The following NEK7 variants were observed in gnomAD, a reference collection of about 807,000 sequenced individuals.
NEK7 encodes the protein NIMA related kinase 7.
NEK7 carries 18 observed loss-of-function variants against 44.6 expected under a neutral mutation model. The ratio of observed to expected loss-of-function variants is 0.40; its 90% CI spans 0.28 to 0.60. The LOEUF (loss-of-function observed/expected upper bound fraction) is 0.60. NEK7 is among the 20% of genes least tolerant of loss of function. The pLI, the probability that NEK7 is intolerant of heterozygous loss-of-function variation, is 0.38. For missense variants in NEK7, 256 were observed against 366.5 expected (o/e 0.70, Z 2.46); for synonymous variants, 130 against 121.1 (o/e 1.07, Z -0.48).
chr1:198,312,725 C>G (rs896439089), intron 9 of NEK7, among the ~76,000 whole-genome samples: 22 of 151,318 alleles, frequency 1.5e-4, no homozygotes, highest in Non-Finnish European at 2.4e-4. Context: ...GCAGGTTGTT[C>G]AGTTTCCATG....
At chr1:198,281,572 T>C (rs1654199607) in intron 7 of NEK7, among the ~76,000 whole-genome samples, 1 of 152,086 alleles carries the variant, frequency 6.6e-6, no homozygotes, top group African/African-American at 2.4e-5. Context: ...CTTTTAACTT[T>C]GGAAAGGAGG....
intron 3 of NEK7, among the ~76,000 whole-genome samples, chr1:198,255,855 T>C (rs1653244194): frequency 6.6e-6 from 1 of 152,188 alleles, no homozygotes; most frequent in Non-Finnish European, 1.5e-5. Flanking sequence ...AGGAGAAATA[T>C]ATTTGCATTT....
At chr1:198,182,400 A>G (rs1311468203) in intron 1 of NEK7, among the ~76,000 whole-genome samples, 5 of 151,818 alleles carry the variant, frequency 3.3e-5, no homozygotes, top group African/African-American at 1.2e-4. Flanking sequence ...AGAGAGGGAG[A>G]ATGGATGTGA....
chr1:198,234,345 A>T (rs146216339), intron 2 of NEK7, among the ~76,000 whole-genome samples: 3,763 of 152,106 alleles, frequency 0.025, 71 homozygotes, highest in African/African-American at 0.047. Context: ...TTATGTTATG[A>T]TCATAAATTA....
chr1:198,315,147 T>C (rs1241273912), intron 9 of NEK7, among the ~76,000 whole-genome samples: 2 of 152,180 alleles, frequency 1.3e-5, no homozygotes, highest in African/African-American at 4.8e-5. Flanking sequence ...TGCGCCGTTT[T>C]TTTAAGCCCG....
intron 2 of NEK7, among the ~76,000 whole-genome samples, chr1:198,252,578 T>TATATACAC (rs1653087270): frequency 1.8e-5 from 2 of 111,460 alleles, no homozygotes; most frequent in African/African-American, 6.6e-5. Flanking sequence ...AAAAAGTACA[T>TATATACAC]ATATACACAT....
chr1:198,314,687 C>A (rs112883915), intron 9 of NEK7, among the ~76,000 whole-genome samples: 9 of 152,246 alleles, frequency 5.9e-5, no homozygotes, highest in Non-Finnish European at 1.0e-4. Flanking sequence ...TTTGAGTACC[C>A]GGCCGTGTGA....
At chr1:198,261,425 A>G (rs1653466333) in intron 3 of NEK7, among the ~76,000 whole-genome samples, 1 of 151,914 alleles carries the variant, frequency 6.6e-6, no homozygotes, top group African/African-American at 2.4e-5. Context: ...TAAGATTGCA[A>G]TGAAGTTTAA....
At chr1:198,313,481 T>G (rs1655254408) in intron 9 of NEK7, among the ~76,000 whole-genome samples, 1 of 138,680 alleles carries the variant, frequency 7.2e-6, no homozygotes, top group South Asian at 2.7e-4. Flanking sequence ...ATCCTGTCAT[T>G]ATGATGTTAG....
chr1:198,181,099 G>A (rs1307580616), intron 1 of NEK7, among the ~76,000 whole-genome samples: 1 of 151,882 alleles, frequency 6.6e-6, no homozygotes, highest in Non-Finnish European at 1.5e-5. Context: ...TTATAAATTG[G>A]ACTCTTAGAC....
intron 1 of NEK7, among the ~76,000 whole-genome samples, chr1:198,180,521 G>A: frequency 6.6e-6 from 1 of 151,992 alleles, no homozygotes; most frequent in South Asian, 2.1e-4. Context: ...GCATTTGCTT[G>A]GTGGTGATAG....
chr1:198,242,281 A>G (rs1571564271), intron 2 of NEK7, among the ~76,000 whole-genome samples: 1 of 152,008 alleles, frequency 6.6e-6, no homozygotes, highest in East Asian at 1.9e-4. Context: ...TTTTTGTAAA[A>G]TGTGTATCAG....
chr1:198,215,477 CATTTTTATTTTATTT>C (rs1665891447), intron 1 of NEK7, among the ~76,000 whole-genome samples: 1 of 152,106 alleles, frequency 6.6e-6, no homozygotes, highest in African/African-American at 2.4e-5. Flanking sequence ...GATATTTTTG[CATTTTTATTTTATTT>C]ATTTTTATTT....
intron 9 of NEK7, among the ~76,000 whole-genome samples, chr1:198,313,469 T>C (rs557414190): frequency 1.4e-5 from 2 of 140,330 alleles, no homozygotes; most frequent in African/African-American, 5.7e-5. Context: ...TGTGTGAATT[T>C]GATCCTGTCA....
chr1:198,228,232 T>C (rs1433577737), intron 1 of NEK7, among the ~76,000 whole-genome samples: 2 of 152,128 alleles, frequency 1.3e-5, no homozygotes, highest in African/African-American at 4.8e-5. Context: ...TCTATATCTC[T>C]GTTTTGGTAC....
intron 5 of NEK7, among the ~76,000 whole-genome samples, chr1:198,275,907 C>T (rs979083537): frequency 6.6e-6 from 1 of 151,422 alleles, no homozygotes; most frequent in African/African-American, 2.4e-5. Flanking sequence ...TATGTTTAAA[C>T]ACACACATTA....
intron 1 of NEK7, among the ~76,000 whole-genome samples, chr1:198,217,585 C>T (rs1049564593): frequency 4.0e-5 from 6 of 151,772 alleles, no homozygotes; most frequent in East Asian, 3.9e-4. Flanking sequence ...AGACTTAGCC[C>T]GAGCTATCAG....
chr1:198,220,035 C>G (rs1298926268), intron 1 of NEK7, among the ~76,000 whole-genome samples: 1 of 151,824 alleles, frequency 6.6e-6, no homozygotes, highest in African/African-American at 2.4e-5. Context: ...TGATGACTGG[C>G]AAATATTGAT....
At chr1:198,291,445 A>C (rs1022645159) in intron 7 of NEK7, among the ~76,000 whole-genome samples, 5 of 152,226 alleles carry the variant, frequency 3.3e-5, no homozygotes, top group African/African-American at 1.2e-4. Flanking sequence ...ACACAGTAAT[A>C]ATACAGATTC....
Sources: gnomAD v4.1 joint callset for allele counts (sites outside exome capture counted in the v4.1 genomes callset) on GRCh38, gnomAD v4.1.1 for gene constraint, MANE v1.5 for transcripts, NCBI Gene and HGNC (gene_info 2026-07-23, HGNC 2026-07-21) for gene names.